Variants in SH3PXD2A observed in about 807,000 individuals in gnomAD.
SH3PXD2A encodes SH3 and PX domain-containing protein 2A.
In SH3PXD2A, 32 loss-of-function variants were observed where a neutral mutation model predicts 115.2. The observed-to-expected ratio is 0.28, with a 90% CI of 0.21 to 0.37. SH3PXD2A has a LOEUF of 0.37. Ranked by LOEUF, SH3PXD2A falls within the 10% of genes least tolerant of loss-of-function variation. The pLI, the probability that SH3PXD2A is intolerant of heterozygous loss-of-function variation, is 1.00. For missense variants in SH3PXD2A, 1,328 were observed against 1,498.7 expected (o/e 0.89, Z 1.88); for synonymous variants, 610 against 629.1 (o/e 0.97, Z 0.45).
intron 8 of SH3PXD2A, among the ~76,000 whole-genome samples, chr10:103,628,360 G>A (rs1249145072): frequency 6.6e-6 from 1 of 152,124 alleles, no homozygotes; most frequent in African/African-American, 2.4e-5. Context: ...TACCCTTTCT[G>A]GGGAGTTCCA....
intron 2 of SH3PXD2A, among the ~76,000 whole-genome samples, chr10:103,796,216 A>G (rs921915446): frequency 6.6e-6 from 1 of 151,826 alleles, no homozygotes; most frequent in Admixed American, 6.6e-5. Flanking sequence ...AAAAAAAATT[A>G]GCTAGTCATA....
intron 6 of SH3PXD2A, among the ~76,000 whole-genome samples, chr10:103,685,978 T>G (rs1281890754): frequency 1.3e-5 from 2 of 152,232 alleles, no homozygotes; most frequent in Non-Finnish European, 2.9e-5. Context: ...ATGGCAGAGC[T>G]GGGGTTCAAA....
intron 2 of SH3PXD2A, among the ~76,000 whole-genome samples, chr10:103,778,890 C>T (rs991267580): frequency 3.9e-5 from 6 of 152,198 alleles, no homozygotes; most frequent in Non-Finnish European, 4.4e-5. Context: ...CAGGTGACTT[C>T]AGCTCCCCTT....
intron 7 of SH3PXD2A, among the ~76,000 whole-genome samples, chr10:103,667,456 C>G (rs2037398345): frequency 6.6e-6 from 1 of 152,250 alleles, no homozygotes. Context: ...TGGGCTCTGG[C>G]TCACTGGCGT....
chr10:103,740,276 G>A (rs2038429889), intron 3 of SH3PXD2A, among the ~76,000 whole-genome samples: 1 of 152,182 alleles, frequency 6.6e-6, no homozygotes, highest in Admixed American at 6.5e-5. Flanking sequence ...TGGCTGAGCT[G>A]GGATTTCAAC....
chr10:103,708,420 G>A (rs1026589515), intron 5 of SH3PXD2A, among the ~76,000 whole-genome samples: 4 of 152,120 alleles, frequency 2.6e-5, no homozygotes, highest in Non-Finnish European at 5.9e-5. Flanking sequence ...CAGGAGAAGG[G>A]CACCAGGAAA....
intron 5 of SH3PXD2A, among the ~76,000 whole-genome samples, chr10:103,701,740 C>T (rs61265065): frequency 5.5e-5 from 1 of 18,196 alleles, no homozygotes; most frequent in African/African-American, 3.4e-4. Flanking sequence ...ATTCATCCAG[C>T]CATCCATCCG....
chr10:103,763,216 C>T (rs2038718839), intron 3 of SH3PXD2A, among the ~76,000 whole-genome samples: 1 of 152,142 alleles, frequency 6.6e-6, no homozygotes, highest in South Asian at 2.1e-4. Context: ...TCAGCTCCAC[C>T]AGCCAGTAAA....
At chr10:103,670,616 A>G (rs1446769659) in intron 6 of SH3PXD2A, among the ~76,000 whole-genome samples, 9 of 152,200 alleles carry the variant, frequency 5.9e-5, no homozygotes, top group Admixed American at 6.5e-5. Context: ...ATACTGCCCC[A>G]CAGTCACTCT....
At chr10:103,809,765 A>G (rs1394350032) in intron 1 of SH3PXD2A, among the ~76,000 whole-genome samples, 1 of 140,014 alleles carries the variant, frequency 7.1e-6, no homozygotes, top group Non-Finnish European at 1.5e-5. Context: ...GATCACTACA[A>G]CCTCCACCTC....
intron 14 of SH3PXD2A, 75 bp from the exon 15 acceptor site, chr10:103,603,864 A>G (rs1388409339): frequency 7.0e-7 from 1 of 1,430,334 alleles, no homozygotes; most frequent in Non-Finnish European, 9.2e-7. Context: ...TAGGAGTATC[A>G]TACTTTGGCT....
intron 2 of SH3PXD2A, among the ~76,000 whole-genome samples, chr10:103,778,345 C>T (rs887874998): frequency 2.0e-5 from 3 of 151,914 alleles, no homozygotes; most frequent in Admixed American, 6.6e-5. Context: ...AAAAAAAAGG[C>T]GGGGGGAAAT....
intron 1 of SH3PXD2A, among the ~76,000 whole-genome samples, chr10:103,815,075 A>G (rs1276634450): frequency 6.6e-6 from 1 of 152,164 alleles, no homozygotes; most frequent in Admixed American, 6.5e-5. Flanking sequence ...TAGATGAGAG[A>G]CCTAAATGCG....
intron 5 of SH3PXD2A, 165 bp from the exon 6 acceptor site, chr10:103,693,221 C>G (rs2037781524): frequency 1.1e-5 from 2 of 175,304 alleles, no homozygotes; most frequent in Non-Finnish European, 2.3e-5. Context: ...ACGCACTGCG[C>G]GCCGCGCCCG....
chr10:103,719,102 A>T (rs2038145085), intron 5 of SH3PXD2A, among the ~76,000 whole-genome samples: 1 of 152,202 alleles, frequency 6.6e-6, no homozygotes, highest in South Asian at 2.1e-4. Context: ...AAGAACTGTG[A>T]GAATTTTATT....
At chr10:103,676,991 C>A (rs1438467728) in intron 6 of SH3PXD2A, among the ~76,000 whole-genome samples, 1 of 152,212 alleles carries the variant, frequency 6.6e-6, no homozygotes, top group Non-Finnish European at 1.5e-5. Flanking sequence ...AGCAGAGAGG[C>A]TGGGCAGTGG....
chr10:103,653,159 C>T (rs1168671738), intron 8 of SH3PXD2A, among the ~76,000 whole-genome samples: 1 of 152,188 alleles, frequency 6.6e-6, no homozygotes, highest in Non-Finnish European at 1.5e-5. Flanking sequence ...TGTCACATGT[C>T]TCTTCGCAAT....
chr10:103,811,469 C>A (rs750389977), intron 1 of SH3PXD2A, among the ~76,000 whole-genome samples: 1 of 152,210 alleles, frequency 6.6e-6, no homozygotes, highest in Non-Finnish European at 1.5e-5. Context: ...GTGTTGTTAT[C>A]GTCTCCAGTT....
chr10:103,793,068 C>G (rs2039050615), intron 2 of SH3PXD2A, among the ~76,000 whole-genome samples: 1 of 152,164 alleles, frequency 6.6e-6, no homozygotes, highest in South Asian at 2.1e-4. Context: ...TGACTTCCCA[C>G]CAACCCTAGC....
Sources: allele counts gnomAD v4.1 joint callset (sites outside exome capture counted in the v4.1 genomes callset), GRCh38; gene constraint gnomAD v4.1.1; transcripts MANE v1.5; gene names NCBI Gene and HGNC (gene_info 2026-07-23, HGNC 2026-07-21).